C3: variants seen among roughly 807,000 people sequenced by gnomAD.
The protein encoded by C3 is complement C3, also known as C3 and PZP-like alpha-2-macroglobulin domain-containing protein 1.
C3 carries 97 observed loss-of-function variants against 207.9 expected under a neutral mutation model. The observed-to-expected ratio is 0.47, with a 90% confidence interval of 0.40 to 0.55. C3 has a LOEUF of 0.55. C3 is among the 20% of genes least tolerant of loss of function. The pLI is 0.00. For synonymous variants in C3, 848 were observed against 857.6 expected (o/e 0.99, Z 0.20); for missense variants, 1,684 against 2,171.7 (o/e 0.78, Z 4.46).
chr19:6,696,259 G>A (rs949572837), intron 23 of C3, 120 bp downstream of exon 23: 11 of 700,774 alleles, frequency 1.6e-5, no homozygotes, highest in Non-Finnish European at 2.6e-5. Flanking sequence ...GATCACAGAT[G>A]GGCTGTTCTA....
intron 23 of C3, among the ~76,000 whole-genome samples, chr19:6,695,715 G>A (rs1488525114): frequency 6.6e-6 from 1 of 151,988 alleles, no homozygotes; most frequent in East Asian, 1.9e-4. Context: ...CCTACCTCAG[G>A]TGGTCTGCCT....
chr19:6,678,155 G>A lies in C3; in HGVS notation c.4847C>T (p.Pro1616Leu), dbSNP rs1917765511. The A allele has an allele frequency of 1.2e-6, 2 of 1,614,180 alleles. No homozygotes were observed. Among genetic ancestry groups the A allele is most frequent in the Non-Finnish European group, 8.5e-7 (1 of 1,180,032 alleles). Residue 1616 changes from proline to leucine, a missense_variant, in exon 40 of 41, where the codon CCC becomes CTC. Physicochemically the swap from Pro to Leu is moderately conservative, Grantham distance 98 (BLOSUM62 -3). This residue lies in a region of C3 where 346 missense variants were observed against 380.1 expected (regional missense o/e 0.91). Transcript: ENST00000245907. ...GLSSDFWGEKPNLSYIIGKDT... is the reference protein window; with the variant it reads ...GLSSDFWGEKLNLSYIIGKDT... Reference sequence around the variant, plus strand: ...CACGCGCAGGGAAAGCACTCACTTGGGCTTCTCTCCCCAGAAATCGGAGGA... The same window carrying A: ...CACGCGCAGGGAAAGCACTCACTTGAGCTTCTCTCCCCAGAAATCGGAGGA...
intron 33 of C3, 155 bp from the exon 34 acceptor site, chr19:6,682,384 AG>A: frequency 1.5e-6 from 1 of 681,812 alleles, no homozygotes; most frequent in Non-Finnish European, 2.7e-6. Flanking sequence ...ATTTCCCCAA[AG>A]GAAATAAAAA....
chr19:6,692,219 C>T (rs1918186966), intron 26 of C3, among the ~76,000 whole-genome samples: 1 of 152,224 alleles, frequency 6.6e-6, no homozygotes, highest in South Asian at 2.1e-4. Flanking sequence ...CCTCCTGCCT[C>T]GGCCTCCCAA....
At position 6,684,383 on chromosome 19, in the gene C3, C is replaced by A. The variant is rs767398435; in HGVS notation, c.4172+5G>T. ...AAGATGAACCCCGGTGACCTAGCTT[C>A]TTACCTGGTACAGATCTCAAGGATC... is the stretch of plus-strand genomic sequence containing the variant. On this transcript the variant is annotated splice_donor_5th_base_variant and intron_variant, in intron 33 of 40. Coordinates refer to ENST00000245907, the MANE Select transcript of C3 (RefSeq NM_000064.4). 1 of 1,613,328 alleles carries A rather than the reference C, an allele frequency of 6.2e-7. No individual in the cohort carries two copies. Among genetic ancestry groups the A allele is most frequent in the Non-Finnish European group, 8.5e-7 (1 of 1,179,222 alleles).
chr19:6,707,458 G>T lies in C3; in HGVS notation c.2047+8C>A, dbSNP rs1183656278. The T allele has an allele frequency of 1.2e-6, 2 of 1,613,794 alleles. No individual in the cohort carries two copies. The highest frequency in any genetic ancestry group is 2.2e-5 in the South Asian group (2 of 91,070). On this transcript the variant is annotated splice_region_variant and intron_variant, in intron 16 of 40. Coordinates refer to ENST00000245907, the MANE Select transcript of C3 (RefSeq NM_000064.4). ...TCGGGGGCAGGAGTGGGTAGGAAAG[G>T]CTCCCACCTTTGTCCATTCGCTTCT...
In C3 at chr19:6,685,033, G is replaced by A. The variant is rs1269038308; in HGVS notation, c.3924C>T (p.Thr1308=). 1.9e-6 allele frequency: 3 copies of A among 1,614,010 alleles called. No individual in the cohort carries two copies. The highest frequency in any genetic ancestry group is 3.3e-5 in the Admixed American group (2 of 60,016). ...LQLPSRSSKI[T]HRIHWESASL... ...TGGCAGATTCCCAGTGGATACGGTG[G>A]GTGATCTTGGAGCTGCGGCTGGGCA... Residue 1308 remains threonine (T), a synonymous_variant, in exon 30 of 41, where the codon ACC becomes ACT. Coordinates refer to ENST00000245907, the MANE Select transcript of C3 (RefSeq NM_000064.4).
At chr19:6,695,268 C>CAA (rs59296902) in intron 23 of C3, among the ~76,000 whole-genome samples, 2,449 of 107,172 alleles carry the variant, frequency 0.023, 102 homozygotes, top group African/African-American at 0.071. Context: ...GACTCCGCCT[C>CAA]AAAAAAAAAA....
chr19:6,700,172 TTA>T (rs1411314453), intron 19 of C3, among the ~76,000 whole-genome samples: 10 of 141,050 alleles, frequency 7.1e-5, no homozygotes, highest in South Asian at 2.2e-4. Context: ...ATAATACATA[TTA>T]TATGTTTACA....
At position 6,697,470 on chromosome 19, in the gene C3, G is replaced by C. The variant is rs137956083; in HGVS notation, c.2670C>G (p.Pro890=). The change falls in exon 21 of 41, where the codon CCC becomes CCG. Residue 890 remains proline, a synonymous_variant. Coordinates refer to ENST00000245907, the MANE Select transcript of C3 (RefSeq NM_000064.4). ...CATATGGAACGGACAACGAGGACTTGGGGGGGATGGTTACGGTCTGCTGGT... is the reference window on the plus strand; with the variant it reads ...CATATGGAACGGACAACGAGGACTTCGGGGGGATGGTTACGGTCTGCTGGT... ...RRHQQTVTIP[P]KSSLSVPYVI... 1.6e-4 allele frequency: 256 copies of C among 1,613,578 alleles called. No homozygotes were observed. Among genetic ancestry groups the C allele is most frequent in the Non-Finnish European group, 2.1e-4 (243 of 1,179,802 alleles).
At position 6,693,596 on chromosome 19, in the gene C3, G is replaced by T. The variant is rs575749198; in HGVS notation, c.3155-109C>A. ...GAGGGGACAGGGGCTCAGGGTGGCGGAGGGGTTCTGGGAGGAGGGGACCTT... is the reference window on the plus strand; with the variant it reads ...GAGGGGACAGGGGCTCAGGGTGGCGTAGGGGTTCTGGGAGGAGGGGACCTT... On this transcript the variant is annotated intron_variant, in intron 24 of 40. Transcript: ENST00000245907. 5.6e-5 allele frequency: 53 copies of T among 943,682 alleles called. No homozygotes were observed. The African/African-American group carries it at 7.0e-4, about 12-fold the overall frequency. 58.5% of individuals were successfully genotyped at this position (943,682 alleles called of 1,614,324 possible).
chr19:6,707,833 T>C lies in C3; in HGVS notation c.1942A>G (p.Ser648Gly). Residue 648 changes from serine (S) to glycine (G), a missense_variant, in exon 15 of 41, where the codon AGC (serine) becomes GGC (glycine). This residue lies in a region of C3 where 1,280 missense variants were observed against 1,739.1 expected (regional missense o/e 0.74). Transcript: ENST00000245907. ...TGGGCGGTCTGCTGGCCACTGCTGC[T>C]CGTGAAGGTCAGCCCTGCGTCGGAG... ...VFSDAGLTFT[S>G]SSGQQTAQRA... The C allele has an allele frequency of 6.2e-7, 1 of 1,613,894 alleles. No homozygotes were observed. The highest frequency in any genetic ancestry group is 1.1e-5 in the South Asian group (1 of 91,076).
At position 6,711,203 on chromosome 19, in the gene C3, G is replaced by C. The variant is rs1309627528; in HGVS notation, c.1270-7C>G. ...CCTGCTTCTTCGTGCGCACCTGGGT[G>C]GGGAAAGAGGGATGCCTGCTGGTCG... On this transcript the variant is annotated splice_region_variant and splice_polypyrimidine_tract_variant and intron_variant, in intron 11 of 40. Transcript: ENST00000245907. 3.1e-6 allele frequency: 5 copies of C among 1,610,190 alleles called. No individual in the cohort carries two copies. Among genetic ancestry groups the C allele is most frequent in the Non-Finnish European group, 4.2e-6 (5 of 1,179,438 alleles).
rs770392646 is a variant in C3, at chr19:6,678,274, C to A, written c.4728G>T (p.Val1576=). ...TGAACGTGCGCTGCTGTCCAACCTG[C>A]ACCTCATCCGAGCCTGGAGTGGAGG... is the stretch of plus-strand genomic sequence containing the variant. ...EQTIKSGSDE[V]QVGQQRTFIS... Residue 1576 remains valine (V), a synonymous_variant, in exon 40 of 41, where the codon GTG becomes GTT. Transcript: ENST00000245907. 3 of 1,614,176 alleles carry A rather than the reference C, an allele frequency of 1.9e-6. No individual in the cohort carries two copies. Among genetic ancestry groups the A allele is most frequent in the South Asian group, 2.2e-5 (2 of 91,082 alleles).
At chr19:6,690,511 TGTC>T (rs1918139119) in intron 27 of C3, 115 bp downstream of exon 27, 1 of 785,568 alleles carries the variant, frequency 1.3e-6, no homozygotes. Context: ...ACTGCAGTGA[TGTC>T]TGTTATTGCA....
At position 6,697,480 on chromosome 19, in the gene C3, G is replaced by C. The variant is rs1241311220; in HGVS notation, c.2660C>G (p.Thr887Ser). The C allele has an allele frequency of 1.2e-6, 2 of 1,613,868 alleles. No homozygotes were observed. Among genetic ancestry groups the C allele is most frequent in the Non-Finnish European group, 1.7e-6 (2 of 1,179,998 alleles). Residue 887 changes from threonine to serine, a missense_variant, in exon 21 of 41, where the codon ACC becomes AGC. Around this residue, in one of 3 missense-constraint regions of C3, gnomAD observed 1,280 missense variants for 1,739.1 expected, o/e 0.74. Coordinates refer to ENST00000245907, the MANE Select transcript of C3 (RefSeq NM_000064.4). Reference protein sequence around the residue: ...TTKRRHQQTVTIPPKSSLSVP... With the variant: ...TTKRRHQQTVSIPPKSSLSVP... ...GGACAACGAGGACTTGGGGGGGATG[G>C]TTACGGTCTGCTGGTGACGCCTCTT...
chr19:6,713,559 G>T, intron 7 of C3, 50 bp from the exon 8 acceptor site: 2 of 1,393,296 alleles, frequency 1.4e-6, no homozygotes, highest in Non-Finnish European at 2.0e-6. Context: ...TGGAGAATGG[G>T]ATCTCCCCCA....
intron 26 of C3, among the ~76,000 whole-genome samples, chr19:6,691,073 G>A (rs1350814064): frequency 5.0e-5 from 3 of 60,430 alleles, no homozygotes; most frequent in African/African-American, 2.0e-4. Flanking sequence ...TTTTTTTTTT[G>A]GGACAGTTTT....
chr19:6,708,923 G>A (rs957561840), intron 14 of C3, among the ~76,000 whole-genome samples: 2 of 151,986 alleles, frequency 1.3e-5, no homozygotes, highest in African/African-American at 2.4e-5. Context: ...CTGGCCTCAA[G>A]TGATCCTCCC....
Sources: allele counts gnomAD v4.1 joint callset (sites outside exome capture counted in the v4.1 genomes callset), GRCh38; gene constraint gnomAD v4.1.1; regional missense constraint gnomAD v4.1.1; transcripts MANE v1.5; gene names NCBI Gene and HGNC (gene_info 2026-07-23, HGNC 2026-07-21).